Variants in ACTR3B observed in about 807,000 individuals in gnomAD.
ACTR3B encodes actin-related protein 3B.
Under a neutral mutation model 59.0 loss-of-function variants are expected in ACTR3B, and 8 were observed. The observed-to-expected ratio is 0.14, with a 90% CI of 0.08 to 0.24. The LOEUF (loss-of-function observed/expected upper bound fraction) is 0.24, where lower values mean the gene tolerates loss of function less well. ACTR3B is among the 10% of genes least tolerant of loss of function. The probability of loss-of-function intolerance (pLI) is 1.00; values close to 1 mark genes in which losing one functional copy is unlikely to be tolerated. For missense variants in ACTR3B, 245 were observed against 552.3 expected (o/e 0.44, Z 5.58); for synonymous variants, 148 against 197.9 (o/e 0.75, Z 2.12).
chr7:152,782,811 C>T (rs1209833637), intron 1 of ACTR3B, among the ~76,000 whole-genome samples: 1 of 152,014 alleles, frequency 6.6e-6, no homozygotes, highest in Non-Finnish European at 1.5e-5. Flanking sequence ...TAATCAACTT[C>T]TCAGTGCCTC....
At position 152,854,874 on chromosome 7, in the gene ACTR3B, A is replaced by G; in HGVS notation, c.*321A>G. 1 of 247,976 alleles carries G rather than the reference A, an allele frequency of 4.0e-6. No individual in the cohort carries two copies. Among genetic ancestry groups the G allele is most frequent in the Non-Finnish European group, 7.7e-6 (1 of 129,542 alleles). The allele number at this position is 247,976 out of a possible 1,614,324, so 15.4% of individuals were successfully genotyped here. On this transcript the variant is annotated 3_prime_UTR_variant, in exon 12 of 12. Coordinates refer to ENST00000256001, the MANE Select transcript of ACTR3B (RefSeq NM_020445.6). The surrounding 1 kb of genome is among the most constrained non-coding windows in gnomAD (Gnocchi z 4.9). ...TTTGAAAATTGTTAGAGAAAACAACATTAGAAAATGGCGCAAAATCGTTAG... is the reference window on the plus strand; with the variant it reads ...TTTGAAAATTGTTAGAGAAAACAACGTTAGAAAATGGCGCAAAATCGTTAG...
intron 4 of ACTR3B, chr7:152,810,974 T>A (rs983979914): frequency 6.6e-5 from 10 of 152,116 alleles, no homozygotes; most frequent in African/African-American, 2.4e-4. Flanking sequence ...GTATACGGAA[T>A]GGAGACACCT....
chr7:152,771,297 A>G (rs62494304), intron 1 of ACTR3B, among the ~76,000 whole-genome samples: 67,693 of 152,066 alleles, frequency 0.45, 15,777 homozygotes, highest in Non-Finnish European at 0.51. Context: ...TTAAATTTAG[A>G]CAACATGAGC....
chr7:152,806,668 A>T (rs2098252964), intron 4 of ACTR3B, among the ~76,000 whole-genome samples: 1 of 152,208 alleles, frequency 6.6e-6, no homozygotes, highest in South Asian at 2.1e-4. Flanking sequence ...TAAGGGCAGG[A>T]GGCAAGTCTA....
intron 1 of ACTR3B, among the ~76,000 whole-genome samples, chr7:152,763,880 G>A (rs747060126): frequency 9.9e-5 from 15 of 152,146 alleles, no homozygotes; most frequent in Admixed American, 2.0e-4. Flanking sequence ...ATGAGTTGTC[G>A]TTCTGTTCAA....
chr7:152,802,348 A>G (rs1192910877), intron 4 of ACTR3B, among the ~76,000 whole-genome samples: 3 of 147,606 alleles, frequency 2.0e-5, no homozygotes, highest in African/African-American at 5.0e-5. Flanking sequence ...ATTTGGATAA[A>G]CCAACTGCCT....
chr7:152,789,251 G>C (rs958749658), intron 2 of ACTR3B, among the ~76,000 whole-genome samples: 2 of 149,062 alleles, frequency 1.3e-5, no homozygotes, highest in African/African-American at 5.1e-5. Flanking sequence ...AATTAGCTAC[G>C]TGTAGTGACG....
chr7:152,803,914 A>G (rs985534874), intron 4 of ACTR3B, among the ~76,000 whole-genome samples: 1 of 152,140 alleles, frequency 6.6e-6, no homozygotes, highest in African/African-American at 2.4e-5. Context: ...TCCTTCAGGT[A>G]TTTGTCCTTA....
At chr7:152,766,184 G>A (rs1423857832) in intron 1 of ACTR3B, among the ~76,000 whole-genome samples, 2 of 152,226 alleles carry the variant, frequency 1.3e-5, no homozygotes, top group East Asian at 3.9e-4. Context: ...GGGAAAAGAT[G>A]TGGGGTGGAG....
At chr7:152,797,059 A>G (rs1339906994) in intron 2 of ACTR3B, among the ~76,000 whole-genome samples, 1 of 151,562 alleles carries the variant, frequency 6.6e-6, no homozygotes, top group Non-Finnish European at 1.5e-5. Context: ...AGTCACAAGG[A>G]TTTAAAAAAT....
chr7:152,769,961 C>G (rs1424440062), intron 1 of ACTR3B, among the ~76,000 whole-genome samples: 2 of 151,624 alleles, frequency 1.3e-5, no homozygotes, highest in Non-Finnish European at 2.9e-5. Flanking sequence ...TTTCATGTTG[C>G]ATTGGACCTG....
At chr7:152,786,939 GTTT>G (rs2098176709) in intron 2 of ACTR3B, among the ~76,000 whole-genome samples, 1 of 152,124 alleles carries the variant, frequency 6.6e-6, no homozygotes. Flanking sequence ...ATATACAACA[GTTT>G]TTTTCCTTTT....
chr7:152,835,670 C>A (rs950805288), intron 9 of ACTR3B, among the ~76,000 whole-genome samples: 1 of 152,156 alleles, frequency 6.6e-6, no homozygotes, highest in African/African-American at 2.4e-5. Context: ...GAATAAATGC[C>A]GTCTTCTAGT....
chr7:152,845,102 T>C (rs914887193), intron 9 of ACTR3B, among the ~76,000 whole-genome samples: 1 of 150,624 alleles, frequency 6.6e-6, no homozygotes, highest in Admixed American at 6.6e-5. Context: ...TGTGAGTGTC[T>C]TAATCGACTC....
intron 2 of ACTR3B, among the ~76,000 whole-genome samples, chr7:152,791,545 A>G (rs577102805): frequency 7.9e-4 from 120 of 152,400 alleles, no homozygotes; most frequent in African/African-American, 2.7e-3. Flanking sequence ...ACCAGAAGTG[A>G]GACCCTGTCT....
intron 9 of ACTR3B, among the ~76,000 whole-genome samples, chr7:152,826,305 T>C (rs572418281): frequency 1.3e-5 from 2 of 152,234 alleles, no homozygotes; most frequent in Non-Finnish European, 2.9e-5. Context: ...TTTTGAATTA[T>C]GTATGCTAAA....
intron 2 of ACTR3B, among the ~76,000 whole-genome samples, chr7:152,796,644 A>T (rs2966505): frequency 0.25 from 19,791 of 77,698 alleles, 3,323 homozygotes; most frequent in East Asian, 0.5. Context: ...CTCATTCATG[A>T]AGTAGCTGTG....
chr7:152,844,559 G>A (rs1798120529), intron 9 of ACTR3B, among the ~76,000 whole-genome samples: 1 of 152,044 alleles, frequency 6.6e-6, no homozygotes, highest in East Asian at 1.9e-4. Flanking sequence ...CATTCTAGAT[G>A]TAATGGTCAT....
At chr7:152,772,883 C>T (rs1382009953) in intron 1 of ACTR3B, among the ~76,000 whole-genome samples, 2 of 152,138 alleles carry the variant, frequency 1.3e-5, no homozygotes, top group East Asian at 3.9e-4. Flanking sequence ...TCCTGAAAGT[C>T]AACAATATCA....
Sources: allele counts gnomAD v4.1 joint callset (sites outside exome capture counted in the v4.1 genomes callset), GRCh38; gene constraint gnomAD v4.1.1; non-coding constraint Gnocchi (gnomAD v3.1); transcripts MANE v1.5; gene names NCBI Gene and HGNC (gene_info 2026-07-23, HGNC 2026-07-21).